Variants in DLGAP2 observed in about 807,000 individuals in gnomAD.
The protein encoded by DLGAP2 is disks large-associated protein 2.
Under a neutral mutation model 100.3 loss-of-function variants are expected in DLGAP2, and 26 were observed. The ratio of observed to expected loss-of-function variants is 0.26; its 90% confidence interval spans 0.19 to 0.36. DLGAP2 has a LOEUF of 0.36. DLGAP2 is among the 10% of genes least tolerant of loss of function. The probability of loss-of-function intolerance (pLI) is 1.00; values close to 1 mark genes in which losing one functional copy is unlikely to be tolerated. For missense variants in DLGAP2, 1,858 were observed against 1,453.2 expected (o/e 1.28, Z -4.53); for synonymous variants, 886 against 630.1 (o/e 1.41, Z -6.08).
At chr8:1,339,735 G>A (rs1198948647) in intron 3 of DLGAP2, among the ~76,000 whole-genome samples, 2 of 152,208 alleles carry the variant, frequency 1.3e-5, no homozygotes, top group African/African-American at 2.4e-5. Context: ...CATCAGGGCA[G>A]AGGAGCCACC....
chr8:1,182,214 A>G (rs188745868), intron 2 of DLGAP2, among the ~76,000 whole-genome samples: 5 of 152,332 alleles, frequency 3.3e-5, no homozygotes, highest in Non-Finnish European at 4.4e-5. Flanking sequence ...GGCAGAAACC[A>G]CTGTGCGTTC....
At chr8:1,439,077 G>T (rs1797746652) in intron 3 of DLGAP2, among the ~76,000 whole-genome samples, 1 of 152,150 alleles carries the variant, frequency 6.6e-6, no homozygotes, top group Non-Finnish European at 1.5e-5. Flanking sequence ...TGGGAGAGGA[G>T]AGAACGCACA....
chr8:1,245,057 G>A (rs556969276), intron 2 of DLGAP2, among the ~76,000 whole-genome samples: 9 of 152,280 alleles, frequency 5.9e-5, no homozygotes, highest in African/African-American at 2.2e-4. Context: ...CATTGCCCAC[G>A]TGTTAGGATG....
chr8:1,562,017 G>T (rs1223664213), intron 5 of DLGAP2, among the ~76,000 whole-genome samples: 3 of 54,446 alleles, frequency 5.5e-5, no homozygotes, highest in Non-Finnish European at 1.1e-4. Flanking sequence ...CCTCGTTACT[G>T]GGGGACTGTG....
rs144834864 is a variant in DLGAP2 at position 1,622,406 on chromosome 8, T to A, written c.1443-4334T>A. 86 of 152,360 alleles carry A rather than the reference T, an allele frequency of 5.6e-4. 1 individual carries two copies. Among genetic ancestry groups the A allele is most frequent in the African/African-American group, 1.9e-3 (78 of 41,578 alleles). 9.4% of individuals were successfully genotyped at this position (152,360 alleles called of 1,614,324 possible). A position where few individuals can be genotyped will look rare whatever the true frequency, so the allele number is the denominator to read the frequency against. On this transcript the variant is annotated intron_variant, in intron 6 of 14. Coordinates refer to ENST00000637795, the MANE Select transcript of DLGAP2 (RefSeq NM_001346810.2). The stretch of plus-strand genomic sequence containing the variant: ...TTACGTTGTGTATTTTCAAGCATGT[T>A]TAGATGGATCTAAACAGCTGGGGTC...
chr8:1,430,041 T>G (rs1448211161), intron 3 of DLGAP2, among the ~76,000 whole-genome samples: 2 of 110,284 alleles, frequency 1.8e-5, no homozygotes, highest in South Asian at 3.1e-4. Context: ...CACACACACA[T>G]ATGAACTTAG....
At chr8:1,373,009 C>G (rs1287969594) in intron 3 of DLGAP2, among the ~76,000 whole-genome samples, 1 of 152,178 alleles carries the variant, frequency 6.6e-6, no homozygotes, top group East Asian at 1.9e-4. Flanking sequence ...CAGTTTCGCT[C>G]ATAGTTGAGC....
At chr8:1,319,889 G>A (rs1380299072) in intron 3 of DLGAP2, among the ~76,000 whole-genome samples, 1 of 152,208 alleles carries the variant, frequency 6.6e-6, no homozygotes, top group Non-Finnish European at 1.5e-5. Flanking sequence ...GACAAAGGCA[G>A]AGGGAAGAGA....
intron 2 of DLGAP2, among the ~76,000 whole-genome samples, chr8:970,424 G>A (rs538597087): frequency 6.6e-6 from 1 of 152,180 alleles, no homozygotes; most frequent in Non-Finnish European, 1.5e-5. Flanking sequence ...GCTGATCAAC[G>A]TTTATCAGCC....
At chr8:1,516,257 GA>G (rs1430894886) in intron 4 of DLGAP2, among the ~76,000 whole-genome samples, 5 of 152,254 alleles carry the variant, frequency 3.3e-5, no homozygotes, top group Admixed American at 3.3e-4. Context: ...ATGAGTGAGT[GA>G]AAGAGCACAC....
At chr8:1,552,395 A>C (rs1801800413) in intron 5 of DLGAP2, among the ~76,000 whole-genome samples, 1 of 151,944 alleles carries the variant, frequency 6.6e-6, no homozygotes, top group African/African-American at 2.4e-5. Flanking sequence ...TCCCCTCCTC[A>C]CTGTCCCCCA....
intron 3 of DLGAP2, among the ~76,000 whole-genome samples, chr8:1,488,599 C>G (rs1338097268): frequency 2.0e-5 from 3 of 152,166 alleles, no homozygotes; most frequent in East Asian, 1.9e-4. Context: ...GCAGTAAATG[C>G]TGACACGCCA....
Position 1,566,380 on chromosome 8 carries a change from A to G in DLGAP2, c.1442+486A>G, listed in dbSNP as rs140294037. 5.7e-3 allele frequency among the ~76,000 whole-genome samples: 870 copies of G among 152,312 alleles called. 5 individuals are homozygous for G. The highest frequency in any genetic ancestry group is 0.01 in the Non-Finnish European group (700 of 68,028). On this transcript the variant is annotated intron_variant, in intron 6 of 14. Transcript: ENST00000637795. The stretch of plus-strand genomic sequence containing the variant: ...AAATATAATACCCTACACTTTACAT[A>G]TTTGCCCAAAATTTATTATTAATAA...
At chr8:987,716 C>T (rs1487359406) in intron 2 of DLGAP2, among the ~76,000 whole-genome samples, 1 of 151,874 alleles carries the variant, frequency 6.6e-6, no homozygotes, top group Non-Finnish European at 1.5e-5. Flanking sequence ...GTAATTAGTC[C>T]AAGCCGACGA....
chr8:841,598 T>A (rs1372507550), intron 1 of DLGAP2, among the ~76,000 whole-genome samples: 1 of 151,826 alleles, frequency 6.6e-6, no homozygotes, highest in African/African-American at 2.4e-5. Context: ...TGAGATGAGG[T>A]CTTGCTATAT....
chr8:1,433,994 G>A (rs1426900976), intron 3 of DLGAP2, among the ~76,000 whole-genome samples: 1 of 152,064 alleles, frequency 6.6e-6, no homozygotes, highest in African/African-American at 2.4e-5. Flanking sequence ...GAGAAAGAAG[G>A]GACTTGGGCA....
At chr8:1,274,988 C>A (rs1001361433) in intron 3 of DLGAP2, among the ~76,000 whole-genome samples, 2 of 152,134 alleles carry the variant, frequency 1.3e-5, no homozygotes, top group African/African-American at 4.8e-5. Context: ...GCAGTCCCAG[C>A]TGTCTGATTC....
At chr8:807,666 C>G (rs1338826854) in intron 1 of DLGAP2, among the ~76,000 whole-genome samples, 1 of 151,738 alleles carries the variant, frequency 6.6e-6, no homozygotes, top group Non-Finnish European at 1.5e-5. Flanking sequence ...TCTTTTTCTT[C>G]ATTTTATTCT....
At chr8:1,268,919 C>T (rs1585209431) in intron 3 of DLGAP2, among the ~76,000 whole-genome samples, 1 of 152,128 alleles carries the variant, frequency 6.6e-6, no homozygotes, top group Admixed American at 6.5e-5. Flanking sequence ...AATGACATGG[C>T]CAGAGCCAAC....
Sources: gnomAD v4.1 joint callset for allele counts (sites outside exome capture counted in the v4.1 genomes callset) on GRCh38, gnomAD v4.1.1 for gene constraint, MANE v1.5 for transcripts, NCBI Gene and HGNC (gene_info 2026-07-23, HGNC 2026-07-21) for gene names.